UGT3A2: variants seen among roughly 807,000 people sequenced by gnomAD.
UGT3A2 encodes the protein UDP-glycosyltransferase 3A2.
UGT3A2 carries 32 observed loss-of-function variants against 39.8 expected under a neutral mutation model. The ratio of observed to expected loss-of-function variants is 0.80; its 90% CI spans 0.61 to 1.08. The LOEUF (loss-of-function observed/expected upper bound fraction) is 1.08, where lower values mean the gene tolerates loss of function less well. Among genes scored for constraint, UGT3A2 ranks in the 50% least tolerant of loss-of-function variants. The pLI is 0.00. For synonymous variants in UGT3A2, 241 were observed against 230.7 expected, an observed-to-expected ratio of 1.04 and a Z score of -0.40; for missense variants, 611 against 637.1, an observed-to-expected ratio of 0.96 and a Z score of 0.44.
chr5:36,054,912 G>A (rs1205837066), intron 2 of UGT3A2, among the ~76,000 whole-genome samples: 1 of 152,060 alleles, frequency 6.6e-6, no homozygotes, highest in African/African-American at 2.4e-5. Flanking sequence ...TTTCCTACTT[G>A]CAGAATCTGG....
chr5:36,063,809 T>A (rs1188206061), intron 2 of UGT3A2, among the ~76,000 whole-genome samples: 1 of 152,156 alleles, frequency 6.6e-6, no homozygotes, highest in African/African-American at 2.4e-5. Flanking sequence ...CTAATTTTTG[T>A]ATTTTTTGTA....
intron 5 of UGT3A2, 152 bp downstream of exon 5, chr5:36,039,325 C>T (rs1561489030): frequency 6.9e-6 from 5 of 728,896 alleles, no homozygotes; most frequent in Non-Finnish European, 1.1e-5. Context: ...CCTGGTTTCC[C>T]AAGAACTCCA....
At chr5:36,058,299 TTATACGCTG>T (rs1305518050) in intron 2 of UGT3A2, among the ~76,000 whole-genome samples, 2 of 152,178 alleles carry the variant, frequency 1.3e-5, no homozygotes, top group Non-Finnish European at 2.9e-5. Flanking sequence ...ATCATTTCAC[TTATACGCTG>T]TACCCAGAAT....
At chr5:36,043,586 T>G (rs1444904691) in intron 4 of UGT3A2, among the ~76,000 whole-genome samples, 1 of 151,552 alleles carries the variant, frequency 6.6e-6, no homozygotes, top group Non-Finnish European at 1.5e-5. Flanking sequence ...AAAAGTTTGG[T>G]TTTGAAAAGA....
chr5:36,037,018 T>C (rs913619982), intron 6 of UGT3A2, among the ~76,000 whole-genome samples: 3 of 152,196 alleles, frequency 2.0e-5, no homozygotes, highest in Non-Finnish European at 1.5e-5. Flanking sequence ...TGCTAGGTGC[T>C]AAGAAGATAG....
chr5:36,051,268 T>G (rs1472492847), intron 3 of UGT3A2, among the ~76,000 whole-genome samples: 1 of 152,174 alleles, frequency 6.6e-6, no homozygotes, highest in Non-Finnish European at 1.5e-5. Flanking sequence ...TGTCTAAGAT[T>G]AAAAAGTTAT....
intron 4 of UGT3A2, among the ~76,000 whole-genome samples, chr5:36,042,031 T>C (rs1742024657): frequency 6.6e-6 from 1 of 151,828 alleles, no homozygotes; most frequent in Non-Finnish European, 1.5e-5. Flanking sequence ...AAATTCAGAA[T>C]CCTATCAGCT....
intron 4 of UGT3A2, among the ~76,000 whole-genome samples, chr5:36,043,645 C>G (rs564349771): frequency 3.2e-4 from 48 of 151,458 alleles, no homozygotes; most frequent in Non-Finnish European, 5.3e-4. Flanking sequence ...AGAGAAAACC[C>G]AAATAAAATC....
In UGT3A2 at chr5:36,035,728, C is replaced by G; in HGVS notation, c.1542G>C (p.Leu514=). The change falls in exon 7 of 7, where the codon CTG becomes CTC. Residue 514 remains leucine, a synonymous_variant. Transcript: ENST00000282507. The stretch of plus-strand genomic sequence containing the variant: ...TCTCCTTCACCTTTCTGGCCCCACG[C>G]AGCCACCAGACAGCCATGCCCAGCA... ...GKLLGMAVWW[L]RGARKVKET is the part of the protein sequence containing the mutation. 6.2e-7 allele frequency: 1 copy of G among 1,614,190 alleles called. No homozygotes were observed. The highest frequency in any genetic ancestry group is 8.5e-7 in the Non-Finnish European group (1 of 1,180,034).
At chr5:36,059,767 G>A (rs1347202537) in intron 2 of UGT3A2, among the ~76,000 whole-genome samples, 3 of 152,208 alleles carry the variant, frequency 2.0e-5, no homozygotes, top group Non-Finnish European at 4.4e-5. Context: ...TTGTGGAGCA[G>A]ATGCTTCAGC....
intron 4 of UGT3A2, among the ~76,000 whole-genome samples, chr5:36,047,979 AC>A (rs1306212764): frequency 2.0e-5 from 3 of 152,006 alleles, no homozygotes; most frequent in Non-Finnish European, 4.4e-5. Flanking sequence ...AGCCCATATC[AC>A]CCATAGGTCT....
intron 2 of UGT3A2, among the ~76,000 whole-genome samples, chr5:36,059,959 C>T (rs1000077299): frequency 5.9e-5 from 9 of 152,192 alleles, no homozygotes; most frequent in African/African-American, 2.2e-4. Context: ...CAATCACAGG[C>T]CTGGTTCCCC....
At chr5:36,058,020 G>A (rs1561496568) in intron 2 of UGT3A2, among the ~76,000 whole-genome samples, 1 of 152,142 alleles carries the variant, frequency 6.6e-6, no homozygotes, top group Admixed American at 6.5e-5. Context: ...TGAAGAATAT[G>A]AAAACTAATG....
At chr5:36,061,322 G>GTGTACTGCGTA (rs1742695155) in intron 2 of UGT3A2, among the ~76,000 whole-genome samples, 1 of 151,740 alleles carries the variant, frequency 6.6e-6, no homozygotes, top group African/African-American at 2.4e-5. Context: ...CATGTGCCAT[G>GTGTACTGCGTA]CTGGTGCACT....
Position 36,039,641 on chromosome 5 carries a change from A to G in UGT3A2, c.911T>C (p.Val304Ala), listed in dbSNP as rs1355677778. The change falls in exon 5 of 7, where the codon GTG (valine) becomes GCG (alanine). Residue 304 changes from valine to alanine, a missense_variant. Coordinates refer to ENST00000282507, the MANE Select transcript of UGT3A2 (RefSeq NM_174914.4). ...GATTTCCGGATTCTGACAGGTGTTCACCATGGAGCCCAAGGTCACAAGGAC... is the reference window on the plus strand; with the variant it reads ...GATTTCCGGATTCTGACAGGTGTTCGCCATGGAGCCCAAGGTCACAAGGAC... ...GFVLVTLGSM[V>A]NTCQNPEIFK... 1.9e-6 allele frequency: 3 copies of G among 1,614,208 alleles called. No individual in the cohort carries two copies. The highest frequency in any genetic ancestry group is 2.5e-6 in the Non-Finnish European group (3 of 1,180,040).
intron 1 of UGT3A2, among the ~76,000 whole-genome samples, chr5:36,065,969 A>G (rs777844357): frequency 2.0e-5 from 3 of 152,198 alleles, no homozygotes; most frequent in African/African-American, 4.8e-5. Flanking sequence ...TTTCTCTTTT[A>G]TCTTCTATTC....
At chr5:36,051,374 T>A (rs939787698) in intron 3 of UGT3A2, among the ~76,000 whole-genome samples, 2 of 152,204 alleles carry the variant, frequency 1.3e-5, no homozygotes, top group African/African-American at 2.4e-5. Context: ...CATGGCTATA[T>A]GTTCAACTTC....
chr5:36,060,670 C>T (rs956908732), intron 2 of UGT3A2, among the ~76,000 whole-genome samples: 12 of 152,124 alleles, frequency 7.9e-5, no homozygotes, highest in Admixed American at 1.3e-4. Flanking sequence ...TTCGTTCAGT[C>T]TCGTAATGAT....
chr5:36,050,781 G>A (rs1306842319), intron 3 of UGT3A2, among the ~76,000 whole-genome samples: 1 of 151,418 alleles, frequency 6.6e-6, no homozygotes, highest in East Asian at 1.9e-4. Context: ...AGAATCGCTT[G>A]AACCCTGGAG....
Sources: gnomAD v4.1 joint callset for allele counts (sites outside exome capture counted in the v4.1 genomes callset) on GRCh38, gnomAD v4.1.1 for gene constraint, MANE v1.5 for transcripts, NCBI Gene and HGNC (gene_info 2026-07-23, HGNC 2026-07-21) for gene names.